Variants in PXDNL observed in about 807,000 individuals in gnomAD.
The protein encoded by PXDNL is probable oxidoreductase PXDNL.
PXDNL carries 145 observed loss-of-function variants against 150.8 expected under a neutral mutation model. The ratio of observed to expected loss-of-function variants is 0.96; its 90% confidence interval spans 0.84 to 1.10. The LOEUF (loss-of-function observed/expected upper bound fraction) is 1.10. Among genes scored for constraint, PXDNL ranks in the 50% least tolerant of loss-of-function variants. The probability of loss-of-function intolerance (pLI) is 0.00; values close to 1 mark genes in which losing one functional copy is unlikely to be tolerated. For missense variants in PXDNL, 2,087 were observed against 1,873.9 expected (o/e 1.11, Z -2.10); for synonymous variants, 757 against 725.7 (o/e 1.04, Z -0.69).
chr8:51,565,698 T>G (rs929138165), intron 3 of PXDNL, among the ~76,000 whole-genome samples: 2 of 151,872 alleles, frequency 1.3e-5, no homozygotes, highest in African/African-American at 4.8e-5. Context: ...AAAAAATTAT[T>G]AAAATATTTT....
chr8:51,545,330 G>C (rs924316972), intron 4 of PXDNL, among the ~76,000 whole-genome samples: 3 of 152,150 alleles, frequency 2.0e-5, no homozygotes, highest in African/African-American at 7.2e-5. Context: ...ATGTATACTT[G>C]ATTGGTTAAT....
chr8:51,781,456 A>G (rs1585746321), intron 1 of PXDNL, among the ~76,000 whole-genome samples: 1 of 152,338 alleles, frequency 6.6e-6, no homozygotes, highest in East Asian at 1.9e-4. Flanking sequence ...GGGACTTCAC[A>G]ATGCATGGAG....
At chr8:51,455,480 G>A (rs1809919212) in intron 9 of PXDNL, among the ~76,000 whole-genome samples, 1 of 152,096 alleles carries the variant, frequency 6.6e-6, no homozygotes, top group Non-Finnish European at 1.5e-5. Flanking sequence ...TTTACATGAA[G>A]TATGAAAGCT....
At chr8:51,683,318 G>A (rs1434973285) in intron 1 of PXDNL, among the ~76,000 whole-genome samples, 1 of 150,138 alleles carries the variant, frequency 6.7e-6, no homozygotes, top group Non-Finnish European at 1.5e-5. Flanking sequence ...TCTCCCTAAT[G>A]ATTAGTGACA....
chr8:51,720,781 G>T (rs183059337), intron 1 of PXDNL, among the ~76,000 whole-genome samples: 12 of 152,294 alleles, frequency 7.9e-5, no homozygotes, highest in East Asian at 1.9e-4. Context: ...CACACAGTCG[G>T]CTAGTGGTCA....
Position 51,708,710 on chromosome 8 carries a change from A to G in PXDNL, c.165-53950T>C, listed in dbSNP as rs1816436112. Among the ~76,000 whole-genome samples the G allele has an allele frequency of 2.6e-5, 4 of 152,316 alleles. No homozygotes were observed. The South Asian group carries it at 8.3e-4, about 32-fold the overall frequency. Reference sequence around the variant, plus strand: ...TCTATGGGAAAGAATGCTCAAAAACATGATAGACCAAAACGTTGAACTGAG... The same window carrying G: ...TCTATGGGAAAGAATGCTCAAAAACGTGATAGACCAAAACGTTGAACTGAG... On this transcript the variant is annotated intron_variant, in intron 1 of 22. Transcript: ENST00000356297.
chr8:51,695,282 G>C (rs552689943), intron 1 of PXDNL, among the ~76,000 whole-genome samples: 1 of 152,242 alleles, frequency 6.6e-6, no homozygotes, highest in South Asian at 2.1e-4. Context: ...TTTCCTATCA[G>C]TAGTCATGCT....
chr8:51,637,697 T>A (rs1234200668), intron 2 of PXDNL, among the ~76,000 whole-genome samples: 2 of 152,150 alleles, frequency 1.3e-5, no homozygotes, highest in African/African-American at 2.4e-5. Context: ...AATATGGGAC[T>A]ATGTGAAAAG....
chr8:51,602,874 G>GT (rs1254007272), intron 2 of PXDNL, among the ~76,000 whole-genome samples: 3 of 150,088 alleles, frequency 2.0e-5, no homozygotes, highest in Non-Finnish European at 3.0e-5. Context: ...AACATTTATT[G>GT]TTTTTTTTCT....
At chr8:51,772,756 A>T (rs1258885161) in intron 1 of PXDNL, among the ~76,000 whole-genome samples, 2 of 152,228 alleles carry the variant, frequency 1.3e-5, no homozygotes, top group Admixed American at 1.3e-4. Flanking sequence ...TCTGTCCTGC[A>T]AAGGTCAGGG....
At chr8:51,346,080 C>A (rs1002635565) in intron 19 of PXDNL, 133 bp from the exon 20 acceptor site, 4 of 568,280 alleles carry the variant, frequency 7.0e-6, no homozygotes, top group Non-Finnish European at 1.3e-5. Flanking sequence ...GTGAGAGAGA[C>A]TCATTTAGTC....
chr8:51,461,032 A>G (rs1352601708), intron 8 of PXDNL, among the ~76,000 whole-genome samples: 1 of 152,062 alleles, frequency 6.6e-6, no homozygotes, highest in Non-Finnish European at 1.5e-5. Context: ...CATGCACACT[A>G]CACAGCCTCC....
At chr8:51,584,602 A>G (rs543684484) in intron 3 of PXDNL, among the ~76,000 whole-genome samples, 1 of 152,272 alleles carries the variant, frequency 6.6e-6, no homozygotes, top group South Asian at 2.1e-4. Flanking sequence ...TATTTTCAGG[A>G]AGACACAATA....
chr8:51,345,957 A>AAGAAGTAACCACAATAGC lies in PXDNL; in HGVS notation c.3902-28_3902-11dup. The AAGAAGTAACCACAATAGC allele has an allele frequency of 6.6e-7, 1 of 1,524,226 alleles. No homozygotes were observed. The highest frequency in any genetic ancestry group is 9.1e-7 in the Non-Finnish European group (1 of 1,098,140). 94.4% of individuals were successfully genotyped at this position (1,524,226 alleles called of 1,614,324 possible). The stretch of plus-strand genomic sequence containing the variant: ...CCTCTACTCCTACAGTCTGTGGGGA[A>AAGAAGTAACCACAATAGC]AGAAGTAACCACAATAGCATCATGT... On this transcript the variant is annotated splice_polypyrimidine_tract_variant and intron_variant, in intron 19 of 22. Transcript: ENST00000356297.
chr8:51,735,027 G>C (rs1270285018), intron 1 of PXDNL, among the ~76,000 whole-genome samples: 1 of 152,156 alleles, frequency 6.6e-6, no homozygotes, highest in African/African-American at 2.4e-5. Context: ...CTTGAAAATT[G>C]CTAAGAGAGT....
At chr8:51,782,852 T>C (rs995039192) in intron 1 of PXDNL, among the ~76,000 whole-genome samples, 2 of 152,232 alleles carry the variant, frequency 1.3e-5, no homozygotes, top group African/African-American at 4.8e-5. Context: ...TAGTGGCTTA[T>C]GAATGTCCTG....
intron 19 of PXDNL, among the ~76,000 whole-genome samples, chr8:51,352,893 C>A (rs1441909352): frequency 6.6e-6 from 1 of 152,038 alleles, no homozygotes; most frequent in Non-Finnish European, 1.5e-5. Context: ...TGAGTGGGAG[C>A]TAACAATGGG....
intron 1 of PXDNL, among the ~76,000 whole-genome samples, chr8:51,770,654 T>G (rs1010585740): frequency 6.6e-6 from 1 of 152,210 alleles, no homozygotes; most frequent in African/African-American, 2.4e-5. Context: ...TCATCTAATT[T>G]AAAGTCAAAA....
intron 3 of PXDNL, among the ~76,000 whole-genome samples, chr8:51,583,619 A>G (rs1378409076): frequency 2.0e-5 from 3 of 152,200 alleles, no homozygotes; most frequent in African/African-American, 7.2e-5. Context: ...ATATCAGTTC[A>G]TAGATTTTAT....
Sources: allele counts gnomAD v4.1 joint callset (sites outside exome capture counted in the v4.1 genomes callset), GRCh38; gene constraint gnomAD v4.1.1; transcripts MANE v1.5; gene names NCBI Gene and HGNC (gene_info 2026-07-23, HGNC 2026-07-21).